The following BCKDHB variants were observed in gnomAD, a reference collection of about 807,000 sequenced individuals.
The protein encoded by BCKDHB is branched chain keto acid dehydrogenase E1 subunit beta.
Under a neutral mutation model 48.5 loss-of-function variants are expected in BCKDHB, and 41 were observed. The ratio of observed to expected loss-of-function variants is 0.85; its 90% CI spans 0.66 to 1.10. The LOEUF (loss-of-function observed/expected upper bound fraction) is 1.10, where lower values mean the gene tolerates loss of function less well. Among genes scored for constraint, BCKDHB ranks in the 50% least tolerant of loss-of-function variants. BCKDHB has a pLI of 0.00. For synonymous variants in BCKDHB, 201 were observed against 174.8 expected, an observed-to-expected ratio of 1.15 and a Z score of -1.18; for missense variants, 496 against 494.2, an observed-to-expected ratio of 1.00 and a Z score of -0.03.
chr6:80,395,329 A>G, the BCKDHB span, among the ~76,000 whole-genome samples: 1 of 152,188 alleles, frequency 6.6e-6, no homozygotes, highest in Admixed American at 6.5e-5. Context: ...AACTTGCTAG[A>G]GACTTCTTGA....
intron 9 of BCKDHB, among the ~76,000 whole-genome samples, chr6:80,334,038 G>A (rs1769447300): frequency 2.0e-5 from 3 of 152,098 alleles, no homozygotes; most frequent in Middle Eastern, 3.4e-3. Flanking sequence ...AAAAAAGGAG[G>A]CATGTGTATT....
In BCKDHB at chr6:80,343,927, A is replaced by G. The variant is rs1457111053; in HGVS notation, c.*123A>G. ...AACAAACTTTGATGGTAAAGTTGGT[A>G]AAAGGCAACTTTCAGAAGAAAATAA... On this transcript the variant is annotated 3_prime_UTR_variant, in exon 10 of 10. Transcript: ENST00000320393. 1.7e-6 allele frequency: 2 copies of G among 1,204,834 alleles called. No individual in the cohort carries two copies. The highest frequency in any genetic ancestry group is 1.5e-5 in the African/African-American group (1 of 66,394). 74.6% of individuals were successfully genotyped at this position (1,204,834 alleles called of 1,614,324 possible).
intron 6 of BCKDHB, among the ~76,000 whole-genome samples, chr6:80,188,187 G>A (rs1196606659): frequency 6.6e-6 from 1 of 152,122 alleles, no homozygotes; most frequent in African/African-American, 2.4e-5. Flanking sequence ...GACATATCTG[G>A]AGGCCATTAT....
chr6:80,272,624 G>A (rs946119217), intron 8 of BCKDHB, among the ~76,000 whole-genome samples: 1 of 152,108 alleles, frequency 6.6e-6, no homozygotes, highest in Admixed American at 6.6e-5. Context: ...GCACATTAAC[G>A]AAGGAGGTTT....
chr6:80,239,696 G>A (rs1776299444), intron 8 of BCKDHB, among the ~76,000 whole-genome samples: 1 of 152,166 alleles, frequency 6.6e-6, no homozygotes, highest in South Asian at 2.1e-4. Flanking sequence ...GTCCTGAATA[G>A]TATTGCCTAG....
At chr6:80,287,231 G>A (rs984898075) in intron 9 of BCKDHB, among the ~76,000 whole-genome samples, 1 of 152,192 alleles carries the variant, frequency 6.6e-6, no homozygotes, top group Non-Finnish European at 1.5e-5. Flanking sequence ...GTCTTCTGTA[G>A]TGGGACAACA....
intron 6 of BCKDHB, among the ~76,000 whole-genome samples, chr6:80,184,675 A>G (rs1052068242): frequency 2.0e-5 from 3 of 152,108 alleles, no homozygotes; most frequent in Non-Finnish European, 4.4e-5. Context: ...AAAAGACTTT[A>G]TCTCTCCTCT....
chr6:80,122,624 G>T (rs961270178), intron 1 of BCKDHB, among the ~76,000 whole-genome samples: 4 of 152,162 alleles, frequency 2.6e-5, no homozygotes, highest in Non-Finnish European at 4.4e-5. Flanking sequence ...TTCAAAATTG[G>T]AGGGGGTTTA....
At chr6:80,238,378 C>T (rs371266082) in intron 8 of BCKDHB, among the ~76,000 whole-genome samples, 3 of 152,104 alleles carry the variant, frequency 2.0e-5, no homozygotes, top group African/African-American at 4.8e-5. Context: ...GGATTACAGG[C>T]GTGAGCCATC....
chr6:80,404,456 T>G, the BCKDHB span, among the ~76,000 whole-genome samples: 38 of 66,358 alleles, frequency 5.7e-4, 2 homozygotes, highest in Admixed American at 3.8e-3. Context: ...GAGTCTTCTG[T>G]TTTTTTTCCC....
intron 3 of BCKDHB, among the ~76,000 whole-genome samples, chr6:80,154,787 A>G (rs1771959015): frequency 6.6e-6 from 1 of 152,136 alleles, no homozygotes; most frequent in Admixed American, 6.5e-5. Context: ...TATAAGATTG[A>G]TATAGTAAGT....
chr6:80,297,416 T>G (rs2127989128), intron 9 of BCKDHB, among the ~76,000 whole-genome samples: 1 of 152,354 alleles, frequency 6.6e-6, no homozygotes, highest in East Asian at 1.9e-4. Context: ...CTTACTATTT[T>G]TAAACTAATC....
intron 6 of BCKDHB, among the ~76,000 whole-genome samples, chr6:80,174,541 GT>G (rs1352076961): frequency 7.9e-5 from 12 of 152,060 alleles, no homozygotes; most frequent in African/African-American, 2.9e-4. Context: ...CCCACATTTA[GT>G]TGAAAAAAAT....
downstream of BCKDHB, among the ~76,000 whole-genome samples, chr6:80,350,827 T>G (rs183411598): frequency 1.1e-4 from 17 of 152,312 alleles, no homozygotes; most frequent in East Asian, 2.9e-3. Flanking sequence ...TTTGTTGTTG[T>G]TGTTTACTTA....
chr6:80,250,193 T>C lies in BCKDHB; in HGVS notation c.952-22942T>C, dbSNP rs532950724. Among the ~76,000 whole-genome samples, 67 of 152,270 alleles carry C rather than the reference T, an allele frequency of 4.4e-4. 1 individual carries two copies. Among genetic ancestry groups the C allele is most frequent in the Admixed American group, 3.7e-3 (56 of 15,288 alleles). On this transcript the variant is annotated intron_variant, in intron 8 of 9. Coordinates refer to ENST00000320393, the MANE Select transcript of BCKDHB (RefSeq NM_183050.4). ...CACCTCACAGCCAATATTCTTGATA[T>C]TCTGGTTGAGGAGATAACTGAAGCC...
chr6:80,163,190 C>T (rs981693305), intron 3 of BCKDHB, among the ~76,000 whole-genome samples: 10 of 152,038 alleles, frequency 6.6e-5, no homozygotes, highest in African/African-American at 9.7e-5. Context: ...CAGGTGTGAG[C>T]CATAGCGCCT....
intron 9 of BCKDHB, among the ~76,000 whole-genome samples, chr6:80,329,332 A>G (rs1260267196): frequency 6.6e-6 from 1 of 152,068 alleles, no homozygotes; most frequent in Non-Finnish European, 1.5e-5. Context: ...TTGACTTACC[A>G]CTCACTGTAT....
At chr6:80,179,769 C>T (rs1233062930) in intron 6 of BCKDHB, among the ~76,000 whole-genome samples, 2 of 152,150 alleles carry the variant, frequency 1.3e-5, no homozygotes, top group African/African-American at 4.8e-5. Context: ...CTACATGTCA[C>T]AGTCTGGTCT....
chr6:80,459,988 T>C, the BCKDHB span, among the ~76,000 whole-genome samples: 2 of 152,148 alleles, frequency 1.3e-5, no homozygotes, highest in African/African-American at 4.8e-5. Flanking sequence ...TGGCAGAAGA[T>C]ACTTTCTTCA....
Sources: gnomAD v4.1 joint callset for allele counts (sites outside exome capture counted in the v4.1 genomes callset) on GRCh38, gnomAD v4.1.1 for gene constraint, MANE v1.5 for transcripts, NCBI Gene and HGNC (gene_info 2026-07-23, HGNC 2026-07-21) for gene names.